Variants in FSTL5 observed in about 807,000 individuals in gnomAD.
FSTL5 encodes follistatin like 5, also known as follistatin-related protein 5.
A neutral mutation model predicts 89.1 loss-of-function variants in FSTL5; 62 were observed. That is an observed-to-expected ratio of 0.70 (90% CI 0.57 to 0.86). FSTL5 has a LOEUF of 0.86. FSTL5 is among the 40% of genes least tolerant of loss of function. FSTL5 has a pLI of 0.00. For missense variants in FSTL5, 1,057 were observed against 1,001.6 expected (o/e 1.06, Z -0.75); for synonymous variants, 383 against 346.2 (o/e 1.11, Z -1.18).
chr4:161,727,929 GC>G (rs1739475505), intron 6 of FSTL5, among the ~76,000 whole-genome samples: 1 of 152,166 alleles, frequency 6.6e-6, no homozygotes, highest in African/African-American at 2.4e-5. Flanking sequence ...GTTGCAATGA[GC>G]CAAGTTCGCA....
At chr4:161,716,584 G>A (rs193116048) in intron 6 of FSTL5, among the ~76,000 whole-genome samples, 42 of 152,038 alleles carry the variant, frequency 2.8e-4, no homozygotes, top group African/African-American at 7.0e-4. Flanking sequence ...GCAACAGAGC[G>A]AAACCCTGTC....
At chr4:161,396,858 T>C (rs1382991202) in intron 15 of FSTL5, among the ~76,000 whole-genome samples, 1 of 152,028 alleles carries the variant, frequency 6.6e-6, no homozygotes, top group East Asian at 1.9e-4. Flanking sequence ...AAAATTAAAG[T>C]GTGGAATAGA....
At chr4:161,768,305 T>C (rs1741088427) in intron 5 of FSTL5, among the ~76,000 whole-genome samples, 1 of 152,114 alleles carries the variant, frequency 6.6e-6, no homozygotes, top group Admixed American at 6.5e-5. Flanking sequence ...ACTTACAGAA[T>C]ATATACCTTG....
At chr4:161,671,407 G>A (rs11728832) in intron 6 of FSTL5, among the ~76,000 whole-genome samples, 36,930 of 151,980 alleles carry the variant, frequency 0.24, 5,485 homozygotes, top group Non-Finnish European at 0.31. Context: ...CTATGACTGC[G>A]TTCAGCTCTA....
chr4:161,857,777 C>A (rs778265199), intron 4 of FSTL5, among the ~76,000 whole-genome samples: 1 of 152,130 alleles, frequency 6.6e-6, no homozygotes, highest in Admixed American at 6.5e-5. Flanking sequence ...TATTGAGTAG[C>A]TAATTCTCTT....
intron 4 of FSTL5, among the ~76,000 whole-genome samples, chr4:161,832,790 G>T (rs373052666): frequency 0.047 from 7,130 of 150,662 alleles, 212 homozygotes; most frequent in Non-Finnish European, 0.071. Context: ...TATTAGTCTT[G>T]CTAGCGGTCT....
chr4:161,782,840 A>G (rs915630043), intron 4 of FSTL5, among the ~76,000 whole-genome samples: 1 of 152,200 alleles, frequency 6.6e-6, no homozygotes, highest in Non-Finnish European at 1.5e-5. Context: ...AGCAAATGTG[A>G]TTATGTATTA....
intron 4 of FSTL5, among the ~76,000 whole-genome samples, chr4:161,819,983 T>A (rs1387676933): frequency 6.6e-6 from 1 of 152,094 alleles, no homozygotes; most frequent in Non-Finnish European, 1.5e-5. Context: ...TTCTCTAAAA[T>A]ATATTGAAGA....
At chr4:161,641,654 G>C (rs943139251) in intron 7 of FSTL5, among the ~76,000 whole-genome samples, 2 of 151,920 alleles carry the variant, frequency 1.3e-5, no homozygotes, top group African/African-American at 4.8e-5. Flanking sequence ...CCCACGCCCA[G>C]ATAATTTTTG....
At chr4:161,975,405 A>G (rs958298359) in intron 3 of FSTL5, among the ~76,000 whole-genome samples, 2 of 151,904 alleles carry the variant, frequency 1.3e-5, no homozygotes, top group African/African-American at 4.8e-5. Context: ...CATATACACC[A>G]TGGAATACTA....
chr4:161,760,712 C>T (rs1325784465), intron 5 of FSTL5, among the ~76,000 whole-genome samples: 5 of 152,264 alleles, frequency 3.3e-5, no homozygotes, highest in Admixed American at 2.0e-4. Flanking sequence ...GACATCAGCT[C>T]GTGCATGTTA....
chr4:161,575,804 T>G (rs1045424531), intron 8 of FSTL5, among the ~76,000 whole-genome samples: 4 of 152,114 alleles, frequency 2.6e-5, no homozygotes, highest in Non-Finnish European at 5.9e-5. Flanking sequence ...CATTTAAGTC[T>G]TTAATCCATC....
chr4:161,530,705 T>A (rs1188963867), intron 10 of FSTL5, among the ~76,000 whole-genome samples: 1 of 152,122 alleles, frequency 6.6e-6, no homozygotes, highest in Non-Finnish European at 1.5e-5. Context: ...ACTCTGATAC[T>A]CTCAAACAGC....
intron 4 of FSTL5, among the ~76,000 whole-genome samples, chr4:161,910,552 C>T (rs1404514838): frequency 6.6e-6 from 1 of 152,066 alleles, no homozygotes; most frequent in Non-Finnish European, 1.5e-5. Flanking sequence ...AATAGCTCCC[C>T]AGTCTTCTGT....
At chr4:161,868,987 C>T (rs188226130) in intron 4 of FSTL5, among the ~76,000 whole-genome samples, 2 of 152,114 alleles carry the variant, frequency 1.3e-5, no homozygotes, top group African/African-American at 4.8e-5. Context: ...TTTGGGAGAA[C>T]GAGAGAGGCG....
At chr4:162,020,616 T>C (rs1737048376) in intron 3 of FSTL5, among the ~76,000 whole-genome samples, 1 of 152,072 alleles carries the variant, frequency 6.6e-6, no homozygotes, top group Admixed American at 6.6e-5. Context: ...TGTAGTCACC[T>C]GGCTAGCGAA....
intron 4 of FSTL5, among the ~76,000 whole-genome samples, chr4:161,859,428 A>T (rs922254081): frequency 1.3e-5 from 2 of 152,216 alleles, no homozygotes; most frequent in Admixed American, 1.3e-4. Context: ...GTCTTTAGTG[A>T]ATTTTCCAGT....
chr4:161,839,323 T>C (rs1029018200), intron 4 of FSTL5, among the ~76,000 whole-genome samples: 6 of 152,104 alleles, frequency 3.9e-5, no homozygotes, highest in African/African-American at 1.4e-4. Context: ...TAATATTTAG[T>C]AATTAAATGA....
At chr4:161,576,668 T>C (rs546835397) in intron 8 of FSTL5, among the ~76,000 whole-genome samples, 29 of 152,252 alleles carry the variant, frequency 1.9e-4, no homozygotes, top group African/African-American at 6.7e-4. Flanking sequence ...GACTCTCCTT[T>C]TTCAAATTTA....
Sources: allele counts gnomAD v4.1 joint callset (sites outside exome capture counted in the v4.1 genomes callset), GRCh38; gene constraint gnomAD v4.1.1; transcripts MANE v1.5; gene names NCBI Gene and HGNC (gene_info 2026-07-23, HGNC 2026-07-21).